KDM8: variants seen among roughly 807,000 people sequenced by gnomAD.
KDM8 encodes the protein bifunctional peptidase and arginyl-hydroxylase JMJD5.
In KDM8, 35 loss-of-function variants were observed where a neutral mutation model predicts 46.9. That is an observed-to-expected ratio of 0.75 (90% CI 0.57 to 0.99). The LOEUF is 0.99. KDM8 is among the 50% of genes least tolerant of loss of function. The pLI is 0.00. For missense variants in KDM8, 475 were observed against 537.0 expected, an observed-to-expected ratio of 0.88 and a Z score of 1.14; for synonymous variants, 232 against 227.7, an observed-to-expected ratio of 1.02 and a Z score of -0.17.
At chr16:27,204,248 A>C (rs2083406400) in intron 1 of KDM8, 5 of 1,413,440 alleles carry the variant, frequency 3.5e-6, no homozygotes, top group Non-Finnish European at 4.6e-6. Context: ...GTAGGACTTA[A>C]CGATGGGCAT....
At chr16:27,213,317 G>C in intron 2 of KDM8, 1 of 351,812 alleles carries the variant, frequency 2.8e-6, no homozygotes, top group East Asian at 6.1e-5. Flanking sequence ...GTTGGAGATA[G>C]TAAGTTTTCC....
intron 1 of KDM8, chr16:27,204,329 G>C: frequency 7.3e-7 from 1 of 1,364,562 alleles, no homozygotes; most frequent in Non-Finnish European, 9.4e-7. Flanking sequence ...GGGGACAGGA[G>C]GTGCGCAGGC....
intron 2 of KDM8, chr16:27,211,287 C>G (rs544616562): frequency 2.3e-6 from 1 of 432,854 alleles, no homozygotes; most frequent in Admixed American, 2.7e-5. Flanking sequence ...GAAGTCTCAC[C>G]CAGGCGAGGC....
intron 6 of KDM8, among the ~76,000 whole-genome samples, chr16:27,220,012 C>G (rs2083599621): frequency 6.6e-6 from 1 of 152,132 alleles, no homozygotes; most frequent in Non-Finnish European, 1.5e-5. Flanking sequence ...GCCAGGAGTT[C>G]AAGACCAGCC....
intron 5 of KDM8, 150 bp downstream of exon 5, chr16:27,216,139 G>A: frequency 1.3e-6 from 1 of 769,860 alleles, no homozygotes; most frequent in Non-Finnish European, 2.2e-6. Context: ...GTGATGAGGA[G>A]CCATTTTCCT....
intron 5 of KDM8, among the ~76,000 whole-genome samples, chr16:27,217,423 T>C (rs1316545150): frequency 6.6e-6 from 1 of 152,174 alleles, no homozygotes; most frequent in African/African-American, 2.4e-5. Context: ...GATGATGTCA[T>C]CAGGGACCAA....
At chr16:27,208,683 C>T (rs990388483) in intron 1 of KDM8, among the ~76,000 whole-genome samples, 1 of 150,694 alleles carries the variant, frequency 6.6e-6, no homozygotes, top group Non-Finnish European at 1.5e-5. Flanking sequence ...AAGCCACACA[C>T]GGGATGAGCC....
chr16:27,203,869 C>T, intron 1 of KDM8: 1 of 446,052 alleles, frequency 2.2e-6, no homozygotes, highest in Non-Finnish European at 4.0e-6. Flanking sequence ...TCCGCGCGTG[C>T]GTATGCTCGT....
intron 1 of KDM8, among the ~76,000 whole-genome samples, chr16:27,207,223 C>T (rs1464887243): frequency 6.6e-6 from 1 of 152,220 alleles, no homozygotes; most frequent in Non-Finnish European, 1.5e-5. Flanking sequence ...GCCTGGCCAA[C>T]ATGGCGAAAC....
Position 27,220,863 on chromosome 16 carries a change from C to A in KDM8, c.*133C>A. 9.2e-7 allele frequency: 1 copy of A among 1,085,862 alleles called. No homozygotes were observed. Among genetic ancestry groups the A allele is most frequent in the Non-Finnish European group, 1.4e-6 (1 of 719,048 alleles). The allele number at this position is 1,085,862 out of a possible 1,614,324, so 67.3% of individuals were successfully genotyped here. A position where few individuals can be genotyped will look rare whatever the true frequency, so the allele number is the denominator to read the frequency against. On this transcript the variant is annotated 3_prime_UTR_variant, in exon 8 of 8. Transcript: ENST00000286096. ...AAGAGCCTTCACTGCCCAGTGGCAG[C>A]CCTGGGGGGCTGAGCTCCAGCACTG...
intron 1 of KDM8, 184 bp downstream of exon 1, chr16:27,203,820 C>G (rs1216704332): frequency 2.5e-6 from 1 of 407,628 alleles, no homozygotes; most frequent in Non-Finnish European, 4.4e-6. Flanking sequence ...CAATTTAGCT[C>G]GTCGCCGGCC....
At chr16:27,208,164 G>A (rs2083444680) in intron 1 of KDM8, among the ~76,000 whole-genome samples, 1 of 152,226 alleles carries the variant, frequency 6.6e-6, no homozygotes, top group African/African-American at 2.4e-5. Context: ...TTTCCCAGAA[G>A]GCTGTGTCCA....
chr16:27,206,117 G>T, intron 1 of KDM8: 1 of 458,652 alleles, frequency 2.2e-6, no homozygotes, highest in Non-Finnish European at 2.9e-6. Context: ...ACCCTTTTAT[G>T]TAGAGCTCTC....
At chr16:27,206,461 G>C (rs936559737) in intron 1 of KDM8, among the ~76,000 whole-genome samples, 1 of 152,134 alleles carries the variant, frequency 6.6e-6, no homozygotes, top group Non-Finnish European at 1.5e-5. Context: ...TATTAGAGAT[G>C]GGTTTTCACC....
intron 1 of KDM8, 108 bp from the exon 2 acceptor site, chr16:27,209,985 A>T: frequency 8.6e-7 from 1 of 1,160,798 alleles, no homozygotes; most frequent in Non-Finnish European, 1.2e-6. Context: ...CCAACAGAGA[A>T]GACTGCTGTT....
rs568417896 is a variant in KDM8, at chr16:27,221,625, G to A, written c.*895G>A. The A allele has an allele frequency of 1.4e-4, 21 of 152,396 alleles. No individual in the cohort carries two copies. Among genetic ancestry groups the A allele is most frequent in the African/African-American group, 5.1e-4 (21 of 41,574 alleles). The allele number at this position is 152,396 out of a possible 1,614,324, so 9.4% of individuals were successfully genotyped here. ...CTCAAACCTGGGGGATTTGAGGCCA[G>A]GGGGAGAGCCAGGCTCTATGCTTTC... On this transcript the variant is annotated 3_prime_UTR_variant, in exon 8 of 8. Coordinates refer to ENST00000286096, the MANE Select transcript of KDM8 (RefSeq NM_024773.3).
At chr16:27,220,515 C>T (rs2083608710) in intron 7 of KDM8, 30 bp downstream of exon 7, 1 of 1,613,948 alleles carries the variant, frequency 6.2e-7, no homozygotes. Flanking sequence ...GGTGACGTTG[C>T]AGGTTCTCCC....
intron 4 of KDM8, 49 bp downstream of exon 4, chr16:27,215,057 T>C: frequency 3.1e-6 from 5 of 1,598,322 alleles, no homozygotes; most frequent in Non-Finnish European, 4.3e-6. Flanking sequence ...GCAGAGAGCA[T>C]AGTACATTTA....
chr16:27,204,028 G>A (rs1596640185), intron 1 of KDM8: 2 of 1,411,226 alleles, frequency 1.4e-6, no homozygotes, highest in East Asian at 2.6e-5. Flanking sequence ...CTGCTTTTAG[G>A]CAACCAGCCG....
Sources: gnomAD v4.1 joint callset for allele counts (sites outside exome capture counted in the v4.1 genomes callset) on GRCh38, gnomAD v4.1.1 for gene constraint, MANE v1.5 for transcripts, NCBI Gene and HGNC (gene_info 2026-07-23, HGNC 2026-07-21) for gene names.